Variants in DYNC2I1 observed in about 807,000 individuals in gnomAD.
DYNC2I1 encodes the protein dynein 2 intermediate chain 1.
DYNC2I1 carries 89 observed loss-of-function variants against 133.4 expected under a neutral mutation model. That is an observed-to-expected ratio of 0.67 (90% confidence interval 0.56 to 0.80). The LOEUF is 0.80. Among genes scored for constraint, DYNC2I1 ranks in the 30% least tolerant of loss-of-function variants. The pLI is 0.00. For synonymous variants in DYNC2I1, 504 were observed against 484.3 expected, an observed-to-expected ratio of 1.04 and a Z score of -0.54; for missense variants, 1,291 against 1,314.5, an observed-to-expected ratio of 0.98 and a Z score of 0.28.
At chr7:158,926,134 C>T in intron 17 of DYNC2I1, 53 bp from the exon 18 acceptor site, 6 of 1,391,862 alleles carry the variant, frequency 4.3e-6, no homozygotes, top group Non-Finnish European at 6.0e-6. Flanking sequence ...ATGCGAACTG[C>T]ATTTCTTCAA....
the DYNC2I1 span, among the ~76,000 whole-genome samples, chr7:158,846,650 G>C: frequency 2.0e-5 from 3 of 152,212 alleles, no homozygotes; most frequent in Non-Finnish European, 4.4e-5. Context: ...TGAAAATATT[G>C]AATTACTCTT....
At chr7:158,917,621 C>T in intron 14 of DYNC2I1, among the ~76,000 whole-genome samples, 1 of 144,562 alleles carries the variant, frequency 6.9e-6, no homozygotes, top group Non-Finnish European at 1.5e-5. Flanking sequence ...CTAAACACCT[C>T]CTGTCCTCCA....
intron 1 of DYNC2I1, among the ~76,000 whole-genome samples, chr7:158,859,784 C>T (rs1271590880): frequency 6.6e-6 from 1 of 152,032 alleles, no homozygotes; most frequent in Non-Finnish European, 1.5e-5. Flanking sequence ...TGTGCCAGGC[C>T]AGTAAATAAA....
At chr7:158,930,963 C>T (rs1053960858) in intron 21 of DYNC2I1, among the ~76,000 whole-genome samples, 1 of 152,170 alleles carries the variant, frequency 6.6e-6, no homozygotes, top group East Asian at 1.9e-4. Context: ...CCCCCACGCC[C>T]GGCCTTGTTA....
At chr7:158,883,199 TATG>T (rs1208995368) in intron 5 of DYNC2I1, among the ~76,000 whole-genome samples, 1 of 150,792 alleles carries the variant, frequency 6.6e-6, no homozygotes, top group East Asian at 1.9e-4. Flanking sequence ...ACTTTCTCTA[TATG>T]ATATTTTTTC....
At chr7:158,894,663 A>G (rs913264047) in intron 8 of DYNC2I1, among the ~76,000 whole-genome samples, 1 of 152,232 alleles carries the variant, frequency 6.6e-6, no homozygotes, top group Non-Finnish European at 1.5e-5. Flanking sequence ...ATCTGTGTGC[A>G]GGTTTTTGTG....
chr7:158,914,230 T>TA lies in DYNC2I1; in HGVS notation c.1703-2dup, dbSNP rs1563158332. 1.2e-6 allele frequency: 2 copies of TA among 1,607,754 alleles called. No individual in the cohort carries two copies. Among genetic ancestry groups the TA allele is most frequent in the Non-Finnish European group, 1.7e-6 (2 of 1,176,780 alleles). ...TTGATTTTATATAAACTGTTTTTTT[T>TA]AGGCAGTGAACAAAGAGATACCTCT... On this transcript the variant is annotated splice_region_variant and splice_polypyrimidine_tract_variant and intron_variant, in intron 13 of 24. Coordinates refer to ENST00000407559, the MANE Select transcript of DYNC2I1 (RefSeq NM_018051.5).
At chr7:158,848,371 AG>A in the DYNC2I1 span, among the ~76,000 whole-genome samples, 12 of 152,292 alleles carry the variant, frequency 7.9e-5, no homozygotes, top group African/African-American at 2.9e-4. Flanking sequence ...TGAGGGTAAA[AG>A]GGCCCATTTT....
At chr7:158,919,638 C>T (rs1848816627) in intron 15 of DYNC2I1, among the ~76,000 whole-genome samples, 1 of 152,122 alleles carries the variant, frequency 6.6e-6, no homozygotes, top group African/African-American at 2.4e-5. Context: ...GCAGTTGGTG[C>T]CACTGTTCCA....
intron 4 of DYNC2I1, among the ~76,000 whole-genome samples, chr7:158,877,633 A>T (rs2129478278): frequency 6.6e-6 from 1 of 152,306 alleles, no homozygotes; most frequent in East Asian, 1.9e-4. Flanking sequence ...ATTTCTGGGC[A>T]TTTTTAAAAG....
intron 3 of DYNC2I1, among the ~76,000 whole-genome samples, chr7:158,876,327 C>G (rs1843355195): frequency 6.6e-6 from 1 of 152,148 alleles, no homozygotes; most frequent in Non-Finnish European, 1.5e-5. Context: ...CCCACCAGGT[C>G]CCACCTTCAG....
intron 20 of DYNC2I1, 94 bp downstream of exon 20, chr7:158,927,137 C>T: frequency 1.2e-6 from 1 of 859,982 alleles, no homozygotes; most frequent in South Asian, 1.7e-5. Flanking sequence ...GTGGCTCACA[C>T]CTGCTGGGAG....
At chr7:158,934,294 T>C in intron 22 of DYNC2I1, 66 bp downstream of exon 22, 1 of 1,543,046 alleles carries the variant, frequency 6.5e-7, no homozygotes. Flanking sequence ...ACCTGATAAA[T>C]ATCTTGATTT....
intron 11 of DYNC2I1, among the ~76,000 whole-genome samples, chr7:158,908,835 T>A (rs1847099366): frequency 6.6e-6 from 1 of 152,118 alleles, no homozygotes; most frequent in African/African-American, 2.4e-5. Context: ...GGTAGAAAAG[T>A]AATGTGTTTG....
At chr7:158,866,499 C>T (rs1430024319) in intron 1 of DYNC2I1, among the ~76,000 whole-genome samples, 5 of 151,842 alleles carry the variant, frequency 3.3e-5, no homozygotes, top group East Asian at 1.9e-4. Context: ...GTATCCTGGG[C>T]GTCCCCTCTC....
downstream of DYNC2I1, among the ~76,000 whole-genome samples, chr7:158,946,929 G>A (rs1024395659): frequency 1.3e-5 from 2 of 152,188 alleles, no homozygotes; most frequent in Non-Finnish European, 2.9e-5. Flanking sequence ...CCACCAGACC[G>A]GCTGTGACGC....
chr7:158,887,055 G>T lies in DYNC2I1; in HGVS notation c.970G>T (p.Asp324Tyr), dbSNP rs748375887. Reference sequence around the variant, plus strand: ...GAATTTAGTAAGGAATCATGGAAAAGATAAAGATTCAAGACGGAAGGTAAG... The same window carrying T: ...GAATTTAGTAAGGAATCATGGAAAATATAAAGATTCAAGACGGAAGGTAAG... The part of the protein sequence containing the change: ...AENLVRNHGK[D>Y]KDSRRKHGHE... Residue 324 changes from aspartate to tyrosine, a missense_variant, in exon 7 of 25, where the codon GAT (aspartate) becomes TAT (tyrosine). Physicochemically the swap from Asp to Tyr is radical, Grantham distance 160 (BLOSUM62 -3). Coordinates refer to ENST00000407559, the MANE Select transcript of DYNC2I1 (RefSeq NM_018051.5). 3.7e-6 allele frequency: 6 copies of T among 1,613,954 alleles called. No homozygotes were observed. In the East Asian group the frequency reaches 8.9e-5, roughly 24 times the overall value.
chr7:158,914,457 A>G (rs1016718864), intron 14 of DYNC2I1, 136 bp downstream of exon 14: 74 of 704,938 alleles, frequency 1.0e-4, no homozygotes, highest in Non-Finnish European at 2.9e-5. Context: ...ATTTTCAAGT[A>G]TTATTTTCTT....
At chr7:158,921,051 A>G (rs951308073) in intron 15 of DYNC2I1, among the ~76,000 whole-genome samples, 4 of 152,224 alleles carry the variant, frequency 2.6e-5, no homozygotes, top group African/African-American at 9.7e-5. Flanking sequence ...GAGTAGGACG[A>G]CAGCAACTCT....
Sources: allele counts gnomAD v4.1 joint callset (sites outside exome capture counted in the v4.1 genomes callset), GRCh38; gene constraint gnomAD v4.1.1; transcripts MANE v1.5; gene names NCBI Gene and HGNC (gene_info 2026-07-23, HGNC 2026-07-21).